EIF4ENIF1: variants seen among roughly 807,000 people sequenced by gnomAD.
EIF4ENIF1 encodes the protein eukaryotic translation initiation factor 4E transporter.
A neutral mutation model predicts 110.5 loss-of-function variants in EIF4ENIF1; 23 were observed. The ratio of observed to expected loss-of-function variants is 0.21; its 90% CI spans 0.15 to 0.29. The LOEUF is 0.29. Ranked by LOEUF, EIF4ENIF1 falls within the 10% of genes least tolerant of loss-of-function variation. The pLI is 1.00. For synonymous variants in EIF4ENIF1, 440 were observed against 437.0 expected (o/e 1.01, Z -0.09); for missense variants, 1,031 against 1,221.1 (o/e 0.84, Z 2.32).
chr22:31,476,917 G>A lies in EIF4ENIF1; in HGVS notation c.97-5000C>T, dbSNP rs550478730. The stretch of plus-strand genomic sequence containing the variant: ...TGGGAGGCTGAGGTATGAGAATTGC[G>A]AACCTGGGAGGCAGAGGTTGCAGTG... On this transcript the variant is annotated intron_variant, in intron 2 of 18. Coordinates refer to ENST00000330125, the MANE Select transcript of EIF4ENIF1 (RefSeq NM_019843.4). 1.1e-3 allele frequency among the ~76,000 whole-genome samples: 171 copies of A among 149,312 alleles called. 1 individual carries two copies. The highest frequency in any genetic ancestry group is 1.2e-3 in the Non-Finnish European group (81 of 67,586).
intron 3 of EIF4ENIF1, among the ~76,000 whole-genome samples, chr22:31,471,517 T>C (rs1427240319): frequency 1.3e-5 from 2 of 152,152 alleles, no homozygotes; most frequent in African/African-American, 4.8e-5. Flanking sequence ...GGTTTCACCA[T>C]GTCAGCCAGG....
chr22:31,475,265 C>T (rs996459934), intron 2 of EIF4ENIF1, among the ~76,000 whole-genome samples: 1 of 137,692 alleles, frequency 7.3e-6, no homozygotes, highest in African/African-American at 2.5e-5. Flanking sequence ...GTTCAAAATT[C>T]TGAAAAAAAA....
At chr22:31,446,177 C>T (rs765785086) in intron 14 of EIF4ENIF1, among the ~76,000 whole-genome samples, 13 of 150,032 alleles carry the variant, frequency 8.7e-5, no homozygotes, top group Middle Eastern at 3.4e-3. Flanking sequence ...CCTAGCTACT[C>T]GGGAGGCTGA....
chr22:31,456,447 T>TCTC (rs758117515), intron 7 of EIF4ENIF1, among the ~76,000 whole-genome samples: 22 of 151,902 alleles, frequency 1.4e-4, no homozygotes, highest in Non-Finnish European at 3.2e-4. Context: ...ATGGTCTCGA[T>TCTC]CTCCTGACCT....
At chr22:31,456,444 C>A (rs193027580) in intron 7 of EIF4ENIF1, among the ~76,000 whole-genome samples, 2 of 151,892 alleles carry the variant, frequency 1.3e-5, no homozygotes, top group Non-Finnish European at 2.9e-5. Context: ...AGGATGGTCT[C>A]GATCTCCTGA....
intron 2 of EIF4ENIF1, among the ~76,000 whole-genome samples, chr22:31,488,373 G>C (rs764416530): frequency 6.6e-6 from 1 of 151,994 alleles, no homozygotes; most frequent in Non-Finnish European, 1.5e-5. Context: ...ATACTGATCC[G>C]CAATTTTAAA....
At chr22:31,438,018 G>A (rs900537843), downstream of EIF4ENIF1, among the ~76,000 whole-genome samples, 2 of 152,162 alleles carry the variant, frequency 1.3e-5, no homozygotes, top group Admixed American at 6.5e-5. Context: ...TTGTATTCCT[G>A]CAAGTACACG....
At chr22:31,460,560 C>T (rs945053504) in intron 6 of EIF4ENIF1, among the ~76,000 whole-genome samples, 9 of 151,468 alleles carry the variant, frequency 5.9e-5, no homozygotes, top group South Asian at 2.1e-4. Flanking sequence ...CCCTGGGAGG[C>T]GGAGCTTGCA....
At chr22:31,472,650 C>A (rs937064917) in intron 2 of EIF4ENIF1, among the ~76,000 whole-genome samples, 1 of 152,064 alleles carries the variant, frequency 6.6e-6, no homozygotes, top group Non-Finnish European at 1.5e-5. Context: ...ATTAACATTT[C>A]TCCCTATTTA....
Position 31,488,541 on chromosome 22 carries a change from T to TTAA in EIF4ENIF1, c.96+79_96+81dup, listed in dbSNP as rs1247984906. On this transcript the variant is annotated intron_variant, in intron 2 of 18. Transcript: ENST00000330125. ...TAGTGAGTCAGAATGAGATTACCAC[T>TTAA]TAATAGGAATGAAATAGTTATACAA... 3.1e-5 allele frequency: 48 copies of TTAA among 1,569,240 alleles called. No individual in the cohort carries two copies. In the East Asian group the frequency reaches 1.0e-3, roughly 33 times the overall value.
intron 2 of EIF4ENIF1, among the ~76,000 whole-genome samples, chr22:31,485,986 C>T (rs1297928304): frequency 6.6e-6 from 1 of 151,988 alleles, no homozygotes; most frequent in African/African-American, 2.4e-5. Flanking sequence ...GTGGCTCACA[C>T]CTATAATTCC....
At position 31,442,032 on chromosome 22, in the gene EIF4ENIF1, A is replaced by G. The variant is rs747118323; in HGVS notation, c.2293T>C (p.Ser765Pro). Residue 765 changes from serine (S) to proline (P), a missense_variant, in exon 17 of 19, where the codon TCT becomes CCT. This residue lies in a region of EIF4ENIF1 where 309 missense variants were observed against 299.1 expected (regional missense o/e 1.03). Transcript: ENST00000330125. The part of the protein sequence containing the change: ...TNSKLSALQR[S>P]SCSTPLSQAN... ...TGGGACAGTGGGGTGGAACACGAAG[A>G]CCTCTGTAATGCTGACAGTTTGGAA... 6.2e-7 allele frequency: 1 copy of G among 1,613,932 alleles called. No individual in the cohort carries two copies. Among genetic ancestry groups the G allele is most frequent in the South Asian group, 1.1e-5 (1 of 91,064 alleles).
chr22:31,471,052 C>CTT (rs2051360454), intron 3 of EIF4ENIF1, among the ~76,000 whole-genome samples: 1 of 151,500 alleles, frequency 6.6e-6, no homozygotes, highest in African/African-American at 2.4e-5. Context: ...CTAAGGTGGC[C>CTT]ATAAGTAGTA....
intron 6 of EIF4ENIF1, among the ~76,000 whole-genome samples, chr22:31,460,248 T>C (rs768304318): frequency 7.9e-5 from 12 of 152,228 alleles, no homozygotes; most frequent in Non-Finnish European, 1.2e-4. Flanking sequence ...CATTTCCTTC[T>C]CCTTCTAAAT....
chr22:31,489,512 A>AGCCCGCCGGCT (rs1249031775), intron 1 of EIF4ENIF1, 182 bp downstream of exon 1: 2 of 138,418 alleles, frequency 1.4e-5, no homozygotes, highest in South Asian at 2.6e-4. Flanking sequence ...CCCGCCAGCC[A>AGCCCGCCGGCT]GCCCGCCGGC....
intron 2 of EIF4ENIF1, chr22:31,479,522 G>C (rs2051730026): frequency 6.6e-6 from 1 of 152,008 alleles, no homozygotes; most frequent in Admixed American, 6.6e-5. Flanking sequence ...ATCTCATCAA[G>C]AGCCCTTAAC....
Position 31,441,839 on chromosome 22 carries a change from C to T in EIF4ENIF1, c.2486G>A (p.Gly829Glu). 1 of 1,614,080 alleles carries T rather than the reference C, an allele frequency of 6.2e-7. No homozygotes were observed. Among genetic ancestry groups the T allele is most frequent in the Non-Finnish European group, 8.5e-7 (1 of 1,180,012 alleles). Residue 829 changes from glycine (G) to glutamate (E), a missense_variant, in exon 17 of 19, where the codon GGG becomes GAG. Coordinates refer to ENST00000330125, the MANE Select transcript of EIF4ENIF1 (RefSeq NM_019843.4). ...MVRPAHQLHP[G>E]LVQRMLAQGV... is the part of the protein sequence containing the mutation. ...CTGGGCCAGCATCCTCTGTACCAAC[C>T]CTGGGTGAAGCTGGTGAGCAGGCCT...
intron 2 of EIF4ENIF1, among the ~76,000 whole-genome samples, chr22:31,475,150 GATTT>G (rs1489145092): frequency 3.3e-5 from 5 of 152,092 alleles, no homozygotes; most frequent in Non-Finnish European, 7.3e-5. Context: ...ATTTATTTAG[GATTT>G]ATTTATCAAT....
intron 16 of EIF4ENIF1, 150 bp downstream of exon 16, chr22:31,442,812 G>C (rs550288902): frequency 7.6e-5 from 82 of 1,074,170 alleles, no homozygotes; most frequent in East Asian, 1.2e-4. Flanking sequence ...CTGTCACACA[G>C]AACCTTCTCA....
Sources: allele counts gnomAD v4.1 joint callset (sites outside exome capture counted in the v4.1 genomes callset), GRCh38; gene constraint gnomAD v4.1.1; regional missense constraint gnomAD v4.1.1; transcripts MANE v1.5; gene names NCBI Gene and HGNC (gene_info 2026-07-23, HGNC 2026-07-21).